Variants in HDGFL3 observed in about 807,000 individuals in gnomAD.
HDGFL3 encodes the protein HDGF like 3, also known as hepatoma-derived growth factor-related protein 3.
A neutral mutation model predicts 27.6 loss-of-function variants in HDGFL3; 6 were observed. The ratio of observed to expected loss-of-function variants is 0.22; its 90% CI spans 0.12 to 0.43. The LOEUF (loss-of-function observed/expected upper bound fraction) is 0.43. Among genes scored for constraint, HDGFL3 ranks in the 20% least tolerant of loss-of-function variants. The pLI, the probability that HDGFL3 is intolerant of heterozygous loss-of-function variation, is 1.00. For missense variants in HDGFL3, 207 were observed against 250.1 expected (o/e 0.83, Z 1.16); for synonymous variants, 88 against 88.9 (o/e 0.99, Z 0.05).
intron 4 of HDGFL3, 73 bp downstream of exon 4, chr15:83,157,342 C>T: frequency 7.1e-7 from 1 of 1,415,906 alleles, no homozygotes; most frequent in Non-Finnish European, 9.9e-7. Context: ...CCAATAAACA[C>T]ATGGAAAATA....
At chr15:83,190,632 T>C (rs2037500481) in intron 1 of HDGFL3, among the ~76,000 whole-genome samples, 1 of 152,236 alleles carries the variant, frequency 6.6e-6, no homozygotes, top group Non-Finnish European at 1.5e-5. Flanking sequence ...CATTGAGCTT[T>C]TGTCTTTTTC....
At chr15:83,181,840 C>G (rs1352866027) in intron 1 of HDGFL3, among the ~76,000 whole-genome samples, 2 of 152,172 alleles carry the variant, frequency 1.3e-5, no homozygotes, top group African/African-American at 2.4e-5. Context: ...GCACCCTCCT[C>G]CTCCACAATC....
chr15:83,147,785 A>G (rs534476870), intron 5 of HDGFL3, among the ~76,000 whole-genome samples: 2 of 152,366 alleles, frequency 1.3e-5, no homozygotes, highest in Admixed American at 1.3e-4. Flanking sequence ...AGCTGACTAC[A>G]ATACAATAAA....
At chr15:83,125,268 C>G (rs919921153), downstream of HDGFL3, among the ~76,000 whole-genome samples, 5 of 152,134 alleles carry the variant, frequency 3.3e-5, no homozygotes, top group African/African-American at 1.2e-4. Flanking sequence ...ATTCATCTCA[C>G]GCCTGGAGTC....
intron 1 of HDGFL3, among the ~76,000 whole-genome samples, chr15:83,178,026 A>G (rs1025398721): frequency 6.6e-6 from 1 of 152,208 alleles, no homozygotes; most frequent in Non-Finnish European, 1.5e-5. Flanking sequence ...TTTCTTTCAA[A>G]ATGCGCAAGA....
chr15:83,167,680 A>G (rs1291855652), intron 1 of HDGFL3, among the ~76,000 whole-genome samples: 1 of 152,234 alleles, frequency 6.6e-6, no homozygotes, highest in African/African-American at 2.4e-5. Flanking sequence ...AGATTCGTAA[A>G]ATAAGTACTT....
intron 1 of HDGFL3, among the ~76,000 whole-genome samples, chr15:83,181,407 T>C (rs1280177147): frequency 2.0e-5 from 3 of 152,228 alleles, no homozygotes; most frequent in Non-Finnish European, 2.9e-5. Context: ...ACAGCTCGAA[T>C]AGTTAAAAGT....
At chr15:83,152,353 A>G (rs2036974268) in intron 4 of HDGFL3, among the ~76,000 whole-genome samples, 1 of 151,526 alleles carries the variant, frequency 6.6e-6, no homozygotes, top group Non-Finnish European at 1.5e-5. Flanking sequence ...TAAGGTCAGG[A>G]GTTTGAGATC....
At chr15:83,160,398 G>T (rs1471497225) in intron 2 of HDGFL3, among the ~76,000 whole-genome samples, 1 of 152,072 alleles carries the variant, frequency 6.6e-6, no homozygotes, top group African/African-American at 2.4e-5. Context: ...TGTTGGCCAG[G>T]ATGGTTTTGA....
At chr15:83,126,146 T>C (rs571068627), downstream of HDGFL3, among the ~76,000 whole-genome samples, 25 of 152,282 alleles carry the variant, frequency 1.6e-4, 1 homozygote, top group South Asian at 4.6e-3. Context: ...AACTCTGTCA[T>C]TGGCCTGTGT....
intron 2 of HDGFL3, among the ~76,000 whole-genome samples, chr15:83,160,487 C>T (rs2037086746): frequency 6.7e-6 from 1 of 149,810 alleles, no homozygotes; most frequent in Admixed American, 6.7e-5. Flanking sequence ...ACCTGGCCAT[C>T]TCCAAGGTTT....
chr15:83,200,012 T>G (rs1163392173), intron 1 of HDGFL3, among the ~76,000 whole-genome samples: 1 of 133,436 alleles, frequency 7.5e-6, no homozygotes, highest in Admixed American at 8.2e-5. Context: ...CCCACTGCAC[T>G]CCAGCCTGGG....
At chr15:83,160,096 C>A (rs944798513) in intron 2 of HDGFL3, among the ~76,000 whole-genome samples, 2 of 152,088 alleles carry the variant, frequency 1.3e-5, no homozygotes, top group Admixed American at 1.3e-4. Context: ...GTGGTCAGAT[C>A]CTGAATTCAT....
At chr15:83,146,217 G>A (rs116678299) in intron 5 of HDGFL3, among the ~76,000 whole-genome samples, 2 of 152,134 alleles carry the variant, frequency 1.3e-5, no homozygotes, top group South Asian at 4.1e-4. Flanking sequence ...ACCACTGGGA[G>A]TAACTGTAAA....
chr15:83,145,581 C>A (rs1434316013), intron 5 of HDGFL3, among the ~76,000 whole-genome samples: 3 of 152,064 alleles, frequency 2.0e-5, no homozygotes, highest in Admixed American at 2.0e-4. Context: ...CTCCCCTGTG[C>A]CCTACCTTCC....
intron 3 of HDGFL3, among the ~76,000 whole-genome samples, chr15:83,122,342 A>T (rs1252793343): frequency 2.6e-5 from 4 of 152,320 alleles, no homozygotes; most frequent in African/African-American, 7.2e-5. Context: ...CCAAAAATGT[A>T]CTTGGAAATT....
chr15:83,125,369 G>C (rs1307806451), downstream of HDGFL3, among the ~76,000 whole-genome samples: 1 of 152,172 alleles, frequency 6.6e-6, no homozygotes, highest in African/African-American at 2.4e-5. Flanking sequence ...GCAGAGGTTA[G>C]GAAAAAGACT....
At chr15:83,124,267 T>C (rs1329808313), downstream of HDGFL3, among the ~76,000 whole-genome samples, 1 of 152,124 alleles carries the variant, frequency 6.6e-6, no homozygotes, top group African/African-American at 2.4e-5. Context: ...TTGTGAAAAA[T>C]GTAGATATAT....
chr15:83,168,236 T>C (rs1368295868), intron 1 of HDGFL3, among the ~76,000 whole-genome samples: 2 of 152,074 alleles, frequency 1.3e-5, no homozygotes, highest in Admixed American at 1.3e-4. Context: ...ATCTAACATC[T>C]TCCCCGGAGG....
Sources: allele counts gnomAD v4.1 joint callset (sites outside exome capture counted in the v4.1 genomes callset), GRCh38; gene constraint gnomAD v4.1.1; transcripts MANE v1.5; gene names NCBI Gene and HGNC (gene_info 2026-07-23, HGNC 2026-07-21).